SDCCAG8: variants seen among roughly 807,000 people sequenced by gnomAD.
SDCCAG8 encodes the protein serologically defined colon cancer antigen 8.
Under a neutral mutation model 101.8 loss-of-function variants are expected in SDCCAG8, and 74 were observed. That is an observed-to-expected ratio of 0.73 (90% CI 0.60 to 0.88). SDCCAG8 has a LOEUF of 0.88. SDCCAG8 is among the 40% of genes least tolerant of loss of function. SDCCAG8 has a pLI of 0.00. For synonymous variants in SDCCAG8, 281 were observed against 292.9 expected, an observed-to-expected ratio of 0.96 and a Z score of 0.41; for missense variants, 787 against 822.6, an observed-to-expected ratio of 0.96 and a Z score of 0.53.
chr1:243,282,322 A>G (rs2069132446), intron 4 of SDCCAG8, among the ~76,000 whole-genome samples: 1 of 152,092 alleles, frequency 6.6e-6, no homozygotes, highest in African/African-American at 2.4e-5. Context: ...AATAGTATAA[A>G]TTGCTTATAA....
rs1268199421 is a variant in SDCCAG8 at position 243,499,779 on chromosome 1, T to TTGC, written c.2139_2141dup (p.Cys713dup). 3.1e-6 allele frequency: 5 copies of TTGC among 1,612,886 alleles called. No individual in the cohort carries two copies. The Admixed American group carries it at 8.3e-5, about 27-fold the overall frequency. The stretch of plus-strand genomic sequence containing the variant: ...AGTTACCCAGCATGCCACAATCTGA[T>TTGC]TGCTGACCTGGATGGAACAGAGTGA... On this transcript the variant is annotated inframe_insertion, in exon 18 of 18. Transcript: ENST00000366541.
intron 11 of SDCCAG8, among the ~76,000 whole-genome samples, chr1:243,343,179 G>T (rs991734402): frequency 2.0e-5 from 3 of 152,150 alleles, no homozygotes; most frequent in African/African-American, 7.2e-5. Flanking sequence ...CAGTAATGAT[G>T]AAACTGATTT....
At chr1:243,479,389 GT>G (rs1358886274) in intron 16 of SDCCAG8, among the ~76,000 whole-genome samples, 1 of 152,200 alleles carries the variant, frequency 6.6e-6, no homozygotes, top group Non-Finnish European at 1.5e-5. Context: ...ATGGCCATAT[GT>G]TCTCTGTCGC....
At chr1:243,338,834 C>T (rs1303626131) in intron 10 of SDCCAG8, 2 of 152,368 alleles carry the variant, frequency 1.3e-5, no homozygotes, top group Non-Finnish European at 2.9e-5. Flanking sequence ...CACCTGATGT[C>T]AACGTCCTGG....
chr1:243,261,957 C>T (rs1342630198), intron 1 of SDCCAG8, among the ~76,000 whole-genome samples: 6 of 142,420 alleles, frequency 4.2e-5, no homozygotes, highest in Non-Finnish European at 1.5e-5. Context: ...GTTACAGGCA[C>T]GTGCCAACAC....
chr1:243,486,822 T>C (rs1193595396), intron 16 of SDCCAG8, among the ~76,000 whole-genome samples: 1 of 152,236 alleles, frequency 6.6e-6, no homozygotes, highest in Non-Finnish European at 1.5e-5. Flanking sequence ...AGCCATGTCA[T>C]GGTGTCACTT....
intron 13 of SDCCAG8, among the ~76,000 whole-genome samples, chr1:243,389,910 T>A (rs954808611): frequency 6.6e-6 from 1 of 152,146 alleles, no homozygotes; most frequent in Non-Finnish European, 1.5e-5. Flanking sequence ...GCAGGTCTCT[T>A]TCATCTCTGT....
chr1:243,271,970 A>G (rs975035527), intron 3 of SDCCAG8, among the ~76,000 whole-genome samples: 35 of 152,178 alleles, frequency 2.3e-4, no homozygotes, highest in Non-Finnish European at 5.9e-5. Context: ...GACAGAGTGT[A>G]TTATTTCTGA....
Position 243,284,497 on chromosome 1 carries a change from T to C in SDCCAG8, c.421-1775T>C, listed in dbSNP as rs1257676213. ...AGTCCTATGACTAGATCTAAGTCTTTTAGTAAAGCCTTTGCCTTGGGCTGT... is the reference window on the plus strand; with the variant it reads ...AGTCCTATGACTAGATCTAAGTCTTCTAGTAAAGCCTTTGCCTTGGGCTGT... On this transcript the variant is annotated intron_variant, in intron 4 of 17. Coordinates refer to ENST00000366541, the MANE Select transcript of SDCCAG8 (RefSeq NM_006642.5). Among the ~76,000 whole-genome samples the C allele has an allele frequency of 2.0e-5, 3 of 152,326 alleles. No homozygotes were observed. In the East Asian group the frequency reaches 5.8e-4, roughly 29 times the overall value.
At chr1:243,321,866 A>G (rs190034794) in intron 9 of SDCCAG8, among the ~76,000 whole-genome samples, 1 of 152,136 alleles carries the variant, frequency 6.6e-6, no homozygotes, top group Non-Finnish European at 1.5e-5. Flanking sequence ...CCAGGCTGGT[A>G]TTGAACTCCT....
chr1:243,405,520 C>T (rs1472133588), intron 13 of SDCCAG8, among the ~76,000 whole-genome samples: 3 of 152,090 alleles, frequency 2.0e-5, no homozygotes, highest in Admixed American at 6.6e-5. Context: ...CAATGAGCAA[C>T]GATCCATAGG....
chr1:243,324,482 A>G (rs570649921), intron 9 of SDCCAG8, among the ~76,000 whole-genome samples: 15 of 27,782 alleles, frequency 5.4e-4, no homozygotes, highest in African/African-American at 1.7e-3. Flanking sequence ...TTTTTTTTTC[A>G]GAGACAGGGC....
intron 15 of SDCCAG8, among the ~76,000 whole-genome samples, chr1:243,419,815 C>T (rs1182107198): frequency 1.3e-5 from 2 of 152,182 alleles, no homozygotes; most frequent in African/African-American, 2.4e-5. Context: ...CTTTAAATTT[C>T]CGTGGAGAAG....
intron 6 of SDCCAG8, among the ~76,000 whole-genome samples, chr1:243,294,703 C>CCG (rs200241739): frequency 1.1e-5 from 1 of 91,756 alleles, no homozygotes; most frequent in East Asian, 3.0e-4. Context: ...AATTCCCCCC[C>CCG]CCCCCCACAG....
chr1:243,316,735 T>C lies in SDCCAG8; in HGVS notation c.930-20T>C. On this transcript the variant is annotated intron_variant, in intron 8 of 17. Transcript: ENST00000366541. Reference sequence around the variant, plus strand: ...TCGTTTGATCATTTCTTGTTTTGAATGTTCTTTTTGTGCTGACAGAGAAAG... The same window carrying C: ...TCGTTTGATCATTTCTTGTTTTGAACGTTCTTTTTGTGCTGACAGAGAAAG... 6.2e-7 allele frequency: 1 copy of C among 1,614,120 alleles called. No individual in the cohort carries two copies. Among genetic ancestry groups the C allele is most frequent in the East Asian group, 2.2e-5 (1 of 44,874 alleles).
intron 15 of SDCCAG8, among the ~76,000 whole-genome samples, chr1:243,418,757 A>G (rs2080781246): frequency 6.6e-6 from 1 of 152,216 alleles, no homozygotes; most frequent in Non-Finnish European, 1.5e-5. Context: ...ATCTTGGACA[A>G]ATGTATTTGA....
chr1:243,434,335 C>T (rs1291200104), intron 16 of SDCCAG8, among the ~76,000 whole-genome samples: 2 of 152,202 alleles, frequency 1.3e-5, no homozygotes, highest in African/African-American at 4.8e-5. Flanking sequence ...TGATTTGCTC[C>T]TTGCAAATGT....
chr1:243,388,688 C>A (rs573002633), intron 13 of SDCCAG8, among the ~76,000 whole-genome samples: 97 of 139,864 alleles, frequency 6.9e-4, no homozygotes, highest in African/African-American at 2.5e-3. Flanking sequence ...TAATGAGACC[C>A]CAGCTCTACC....
At chr1:243,301,201 A>G (rs2149309600) in intron 6 of SDCCAG8, among the ~76,000 whole-genome samples, 1 of 152,356 alleles carries the variant, frequency 6.6e-6, no homozygotes, top group Middle Eastern at 3.4e-3. Context: ...ATACTGTACT[A>G]CTATAAGAAT....
Sources: allele counts gnomAD v4.1 joint callset (sites outside exome capture counted in the v4.1 genomes callset), GRCh38; gene constraint gnomAD v4.1.1; transcripts MANE v1.5; gene names NCBI Gene and HGNC (gene_info 2026-07-23, HGNC 2026-07-21).